ZBBX: variants seen among roughly 807,000 people sequenced by gnomAD.
ZBBX encodes the protein zinc finger B-box domain-containing protein 1.
In ZBBX, 101 loss-of-function variants were observed where a neutral mutation model predicts 108.5. The observed-to-expected ratio is 0.93, with a 90% CI of 0.79 to 1.10. The LOEUF (loss-of-function observed/expected upper bound fraction) is 1.10. ZBBX is among the 50% of genes least tolerant of loss of function. The pLI, the probability that ZBBX is intolerant of heterozygous loss-of-function variation, is 0.00. For missense variants in ZBBX, 1,009 were observed against 941.4 expected (o/e 1.07, Z -0.94); for synonymous variants, 356 against 323.4 (o/e 1.10, Z -1.08).
At chr3:167,393,863 A>T (rs1748151974) in intron 1 of ZBBX, among the ~76,000 whole-genome samples, 1 of 151,892 alleles carries the variant, frequency 6.6e-6, no homozygotes, top group South Asian at 2.1e-4. Flanking sequence ...CAGCCTAAAA[A>T]TTGCCCTTCC....
chr3:167,193,679 G>T, the ZBBX span, among the ~76,000 whole-genome samples: 1 of 152,068 alleles, frequency 6.6e-6, no homozygotes, highest in African/African-American at 2.4e-5. Context: ...GTTGTCTCAT[G>T]TTTATTGCAG....
chr3:167,266,503 C>A (rs1029216957), intron 20 of ZBBX, among the ~76,000 whole-genome samples: 1 of 152,142 alleles, frequency 6.6e-6, no homozygotes, highest in Non-Finnish European at 1.5e-5. Context: ...CTTGAAACTG[C>A]ACGTCTCACA....
intron 5 of ZBBX, among the ~76,000 whole-genome samples, 200 bp downstream of exon 5, chr3:167,368,261 T>C (rs1016672491): frequency 6.6e-6 from 1 of 151,632 alleles, no homozygotes; most frequent in Non-Finnish European, 1.5e-5. Flanking sequence ...ACAAAAGTAA[T>C]GGTAATTTTA....
chr3:167,402,358 TG>T (rs1292301321), intron 1 of ZBBX, among the ~76,000 whole-genome samples: 8 of 152,142 alleles, frequency 5.3e-5, no homozygotes, highest in Non-Finnish European at 8.8e-5. Flanking sequence ...TGTTGGCGAT[TG>T]GGTTAACAAG....
intron 1 of ZBBX, chr3:167,392,863 T>C (rs995290852): frequency 1.3e-5 from 2 of 151,828 alleles, no homozygotes; most frequent in African/African-American, 4.8e-5. Context: ...TCGAAGTGAA[T>C]GGGTAAGTAA....
At chr3:167,345,284 T>G (rs189264069) in intron 9 of ZBBX, among the ~76,000 whole-genome samples, 3 of 151,850 alleles carry the variant, frequency 2.0e-5, no homozygotes, top group Non-Finnish European at 4.4e-5. Context: ...GAAGATATGA[T>G]AGTCGATAGC....
chr3:167,209,931 A>G, the ZBBX span, among the ~76,000 whole-genome samples: 11 of 152,192 alleles, frequency 7.2e-5, no homozygotes, highest in South Asian at 2.1e-3. Flanking sequence ...CTCTACTAAA[A>G]ATACAAAAAT....
At chr3:167,184,788 G>C in the ZBBX span, among the ~76,000 whole-genome samples, 1 of 152,078 alleles carries the variant, frequency 6.6e-6, no homozygotes, top group African/African-American at 2.4e-5. Context: ...TTTAAATTTG[G>C]TAATACAGCC....
intron 11 of ZBBX, among the ~76,000 whole-genome samples, chr3:167,322,994 G>T (rs1220481714): frequency 6.6e-6 from 1 of 151,906 alleles, no homozygotes; most frequent in African/African-American, 2.4e-5. Flanking sequence ...AAACAGCTAC[G>T]GGCCAGCAAT....
chr3:167,254,588 A>G (rs983610093), intron 20 of ZBBX, among the ~76,000 whole-genome samples: 1 of 152,236 alleles, frequency 6.6e-6, no homozygotes, highest in Admixed American at 6.5e-5. Context: ...AGCTAAAACA[A>G]TTGAAGAAAT....
chr3:167,391,249 G>A (rs890440303), intron 1 of ZBBX, among the ~76,000 whole-genome samples: 2 of 152,014 alleles, frequency 1.3e-5, no homozygotes, highest in Admixed American at 6.6e-5. Context: ...TAATCATGTC[G>A]TTTTTGTTAT....
the ZBBX span, among the ~76,000 whole-genome samples, chr3:167,219,883 C>T: frequency 6.6e-6 from 1 of 151,512 alleles, no homozygotes; most frequent in East Asian, 1.9e-4. Context: ...AAGGAAAGAC[C>T]CAAATAAATG....
At position 167,317,089 on chromosome 3, in the gene ZBBX, T is replaced by C. The variant is rs1209789725; in HGVS notation, c.1110A>G (p.Val370=). 1 of 1,607,638 alleles carries C rather than the reference T, an allele frequency of 6.2e-7. No homozygotes were observed. The highest frequency in any genetic ancestry group is 8.5e-7 in the Non-Finnish European group (1 of 1,175,814). The change falls in exon 14 of 22, where the codon GTA becomes GTG. Residue 370 remains valine, a synonymous_variant. Transcript: ENST00000675490. ...CTGGCAATAAAAGAGCTGTGTGTTGTACTTTGGTCTCCTCACCTAGGAAAT... is the reference window on the plus strand; with the variant it reads ...CTGGCAATAAAAGAGCTGTGTGTTGCACTTTGGTCTCCTCACCTAGGAAAT... ...DEDSDGEETK[V]QHTALLLPVE...
chr3:167,325,181 G>T (rs1254400785), intron 11 of ZBBX, among the ~76,000 whole-genome samples: 1 of 152,112 alleles, frequency 6.6e-6, no homozygotes, highest in Non-Finnish European at 1.5e-5. Flanking sequence ...GGCAGTGCCT[G>T]CTATTTTCAC....
At chr3:167,245,461 T>C (rs1351505845) in intron 20 of ZBBX, among the ~76,000 whole-genome samples, 2 of 152,188 alleles carry the variant, frequency 1.3e-5, no homozygotes, top group African/African-American at 2.4e-5. Flanking sequence ...ATTCTCTCCA[T>C]GCTTGCATCC....
At chr3:167,401,726 G>T (rs1337397008) in intron 1 of ZBBX, among the ~76,000 whole-genome samples, 1 of 152,070 alleles carries the variant, frequency 6.6e-6, no homozygotes, top group East Asian at 1.9e-4. Context: ...TATCAGCAAG[G>T]TCTTTATGAC....
At chr3:167,329,383 A>G (rs1383274077) in intron 10 of ZBBX, among the ~76,000 whole-genome samples, 1 of 152,244 alleles carries the variant, frequency 6.6e-6, no homozygotes, top group Non-Finnish European at 1.5e-5. Flanking sequence ...GCAGCTTGTT[A>G]GAGTACAATT....
Position 167,305,918 on chromosome 3 carries a change from C to T in ZBBX, c.1450G>A (p.Val484Met), listed in dbSNP as rs766422251. 8.9e-6 allele frequency: 14 copies of T among 1,570,344 alleles called. No individual in the cohort carries two copies. The highest frequency in any genetic ancestry group is 1.9e-5 in the Admixed American group (1 of 52,508). Residue 484 changes from valine to methionine, a missense_variant, in exon 17 of 22, where the codon GTG becomes ATG. Val to Met is a conservative substitution (Grantham distance 21). Coordinates refer to ENST00000675490, the MANE Select transcript of ZBBX (RefSeq NM_001199201.2). ...TCAGAAGAATACACATCAGGATCCA[C>T]GATGTTGTCAAAATCTGTGTTTGAA... ...ETSNTDFDNI[V>M]DPDVYSSDIE...
intron 16 of ZBBX, among the ~76,000 whole-genome samples, chr3:167,307,716 G>A (rs1172618022): frequency 6.6e-6 from 1 of 152,100 alleles, no homozygotes. Flanking sequence ...AATGGGGAAA[G>A]GATTCCCTAT....
Sources: gnomAD v4.1 joint callset for allele counts (sites outside exome capture counted in the v4.1 genomes callset) on GRCh38, gnomAD v4.1.1 for gene constraint, MANE v1.5 for transcripts, NCBI Gene and HGNC (gene_info 2026-07-23, HGNC 2026-07-21) for gene names.